Variants in VPS37A observed in about 807,000 individuals in gnomAD.
The protein encoded by VPS37A is VPS37A subunit of ESCRT-I, also known as vacuolar protein sorting-associated protein 37A.
In VPS37A, 30 loss-of-function variants were observed where a neutral mutation model predicts 49.8. The observed-to-expected ratio is 0.60, with a 90% CI of 0.45 to 0.82. VPS37A has a LOEUF of 0.82. Among genes scored for constraint, VPS37A ranks in the 40% least tolerant of loss-of-function variants. The probability of loss-of-function intolerance (pLI) is 0.00; values close to 1 mark genes in which losing one functional copy is unlikely to be tolerated. For missense variants in VPS37A, 593 were observed against 464.4 expected (o/e 1.28, Z -2.55); for synonymous variants, 195 against 160.6 (o/e 1.21, Z -1.62).
rs8276 is a variant in VPS37A at position 17,295,348 on chromosome 8, T to G, written c.*362T>G. ...TATTTTTAACTTGAAGTTCCATTTC[T>G]TTATCAAGGATGGTATTTAGATTTT... On this transcript the variant is annotated 3_prime_UTR_variant, in exon 12 of 12. Coordinates refer to ENST00000324849, the MANE Select transcript of VPS37A (RefSeq NM_152415.3). The G allele has an allele frequency of 0.39, 59,079 of 152,504 alleles. 14,305 individuals carry two copies. The highest frequency in any genetic ancestry group is 0.54 in the Non-Finnish European group (36,676 of 67,992). 9.4% of individuals were successfully genotyped at this position (152,504 alleles called of 1,614,324 possible).
chr8:17,274,762 C>T lies in VPS37A; in HGVS notation c.446C>T (p.Pro149Leu), dbSNP rs560097044. The T allele has an allele frequency of 2.8e-4, 446 of 1,614,054 alleles. 8 individuals are homozygous for T. The South Asian group carries it at 4.6e-3, about 17-fold the overall frequency. ...YLYSNPSGMS[P>L]YASQGFPFLP... ...TACAGTAACCCAAGTGGGATGTCTC[C>T]TTATGCTTCTCAGGGTTTTCCATTT... The change falls in exon 5 of 12, where the codon CCT (proline) becomes CTT (leucine). Residue 149 changes from proline (P) to leucine (L), a missense_variant. Physicochemically the swap from Pro to Leu is moderately conservative, Grantham distance 98 (BLOSUM62 -3). Transcript: ENST00000324849.
chr8:17,249,634 A>T (rs1208976042), intron 1 of VPS37A, among the ~76,000 whole-genome samples: 1 of 152,300 alleles, frequency 6.6e-6, no homozygotes, highest in East Asian at 1.9e-4. Context: ...CCACCCTTTT[A>T]AATAATGACA....
downstream of VPS37A, chr8:17,299,815 G>C: frequency 2.5e-6 from 4 of 1,592,576 alleles, no homozygotes; most frequent in South Asian, 4.5e-5. Flanking sequence ...CTTGTTTTTG[G>C]AAGTGTTGCT....
downstream of VPS37A, chr8:17,299,889 A>C: frequency 1.9e-6 from 3 of 1,614,088 alleles, no homozygotes; most frequent in East Asian, 2.2e-5. Context: ...CGGCTTCATC[A>C]GAATCCCGGT....
intron 10 of VPS37A, among the ~76,000 whole-genome samples, chr8:17,286,003 T>C (rs148644405): frequency 2.6e-5 from 4 of 152,222 alleles, no homozygotes; most frequent in East Asian, 3.9e-4. Flanking sequence ...TCAAAATGAA[T>C]TGGTGTCATG....
chr8:17,254,232 G>A (rs914173103), intron 1 of VPS37A, among the ~76,000 whole-genome samples: 1 of 152,096 alleles, frequency 6.6e-6, no homozygotes, highest in African/African-American at 2.4e-5. Flanking sequence ...TAAGAATGAC[G>A]AGTCCTTAGG....
At chr8:17,260,649 G>T (rs747755096) in intron 1 of VPS37A, among the ~76,000 whole-genome samples, 30 of 152,096 alleles carry the variant, frequency 2.0e-4, no homozygotes, top group Non-Finnish European at 1.8e-4. Context: ...GTCTTGGGGT[G>T]AATTCTCCAT....
At chr8:17,299,863 C>A, downstream of VPS37A, 1 of 1,613,786 alleles carries the variant, frequency 6.2e-7, no homozygotes. Context: ...AGGGAAACTT[C>A]AGGCAGTGAG....
In VPS37A at chr8:17,297,771, G is replaced by C. The variant is rs1186416642; in HGVS notation, c.*2785G>C. 6.6e-6 allele frequency: 1 copy of C among 151,988 alleles called. No individual in the cohort carries two copies. Among genetic ancestry groups the C allele is most frequent in the East Asian group, 1.9e-4 (1 of 5,194 alleles). The allele number at this position is 151,988 out of a possible 1,614,324, so 9.4% of individuals were successfully genotyped here. A position where few individuals can be genotyped will look rare whatever the true frequency, so the allele number is the denominator to read the frequency against. The stretch of plus-strand genomic sequence containing the variant: ...CTTGTTGGGTTAGCCATGCTCTGAA[G>C]AATCTGTGAAAGTACAGTAAAGTTT... On this transcript the variant is annotated 3_prime_UTR_variant, in exon 12 of 12. Transcript: ENST00000324849.
intron 6 of VPS37A, among the ~76,000 whole-genome samples, chr8:17,278,823 A>G (rs898747363): frequency 6.6e-6 from 1 of 151,914 alleles, no homozygotes; most frequent in Non-Finnish European, 1.5e-5. Flanking sequence ...AGGTTTATTT[A>G]TTTTCAAAGC....
rs3216865 is a variant in VPS37A at position 17,297,556 on chromosome 8, C to CTATTAAT, written c.*2574_*2575insAATTATT. On this transcript the variant is annotated 3_prime_UTR_variant, in exon 12 of 12. Coordinates refer to ENST00000324849, the MANE Select transcript of VPS37A (RefSeq NM_152415.3). ...GCTGGGTCATGGTCAAAATTCTTAC[C>CTATTAAT]TATTTATTTCATATCAACTTTAAAA... 21 of 151,572 alleles carry CTATTAAT rather than the reference C, an allele frequency of 1.4e-4. No homozygotes were observed. Among genetic ancestry groups the CTATTAAT allele is most frequent in the African/African-American group, 4.6e-4 (19 of 41,266 alleles). 9.4% of individuals were successfully genotyped at this position (151,572 alleles called of 1,614,324 possible).
intron 1 of VPS37A, among the ~76,000 whole-genome samples, chr8:17,249,971 C>A (rs1288690458): frequency 6.6e-6 from 1 of 152,122 alleles, no homozygotes; most frequent in Non-Finnish European, 1.5e-5. Context: ...AGGGGAAACC[C>A]ACCAAGGCCT....
chr8:17,323,346 C>T, the VPS37A span, among the ~76,000 whole-genome samples: 1 of 152,046 alleles, frequency 6.6e-6, no homozygotes, highest in Admixed American at 6.6e-5. Context: ...CTCCACTTTC[C>T]ATATTATTTT....
At chr8:17,302,265 C>T, downstream of VPS37A, 2 of 1,613,544 alleles carry the variant, frequency 1.2e-6, no homozygotes, top group Non-Finnish European at 1.7e-6. Context: ...AGCGGTTATA[C>T]ATTCCACTCC....
At chr8:17,249,737 A>G (rs555849163) in intron 1 of VPS37A, among the ~76,000 whole-genome samples, 19 of 152,362 alleles carry the variant, frequency 1.2e-4, no homozygotes, top group African/African-American at 4.6e-4. Context: ...CATCAGTCAT[A>G]AGGGGCACAG....
chr8:17,293,460 A>G (rs990310437), intron 11 of VPS37A, among the ~76,000 whole-genome samples: 2 of 151,996 alleles, frequency 1.3e-5, no homozygotes, highest in Admixed American at 6.6e-5. Context: ...ACTTCTGTCA[A>G]TTCATCAAAC....
At chr8:17,332,244 A>C in the VPS37A span, among the ~76,000 whole-genome samples, 1 of 152,228 alleles carries the variant, frequency 6.6e-6, no homozygotes, top group African/African-American at 2.4e-5. Flanking sequence ...TGCTTTTAAA[A>C]GCACAGTGCA....
At chr8:17,301,794 TG>T (rs1418228798), downstream of VPS37A, 1 of 277,628 alleles carries the variant, frequency 3.6e-6, no homozygotes, top group Admixed American at 5.1e-5. Flanking sequence ...TTTCTAAAAG[TG>T]GGGAAAGAGT....
At chr8:17,314,221 A>C in the VPS37A span, among the ~76,000 whole-genome samples, 2 of 152,340 alleles carry the variant, frequency 1.3e-5, no homozygotes, top group East Asian at 3.9e-4. Context: ...AGACCTATAA[A>C]GCCCTATTGA....
Sources: allele counts gnomAD v4.1 joint callset (sites outside exome capture counted in the v4.1 genomes callset), GRCh38; gene constraint gnomAD v4.1.1; transcripts MANE v1.5; gene names NCBI Gene and HGNC (gene_info 2026-07-23, HGNC 2026-07-21).